AK5: variants seen among roughly 807,000 people sequenced by gnomAD.
AK5 encodes adenylate kinase 5, also known as adenylate kinase isoenzyme 5.
AK5 carries 27 observed loss-of-function variants against 69.5 expected under a neutral mutation model. That is an observed-to-expected ratio of 0.39 (90% CI 0.29 to 0.54). The LOEUF is 0.54. Among genes scored for constraint, AK5 ranks in the 20% least tolerant of loss-of-function variants. AK5 has a pLI of 0.71. For missense variants in AK5, 531 were observed against 700.4 expected (o/e 0.76, Z 2.73); for synonymous variants, 260 against 244.4 (o/e 1.06, Z -0.60).
chr1:77,314,132 A>C, intron 5 of AK5: 1 of 324,324 alleles, frequency 3.1e-6, no homozygotes, highest in South Asian at 2.6e-5. Flanking sequence ...AAACAATCTT[A>C]TGATATGAAT....
At chr1:77,459,125 A>C (rs547356208) in intron 8 of AK5, among the ~76,000 whole-genome samples, 1 of 152,126 alleles carries the variant, frequency 6.6e-6, no homozygotes, top group Non-Finnish European at 1.5e-5. Flanking sequence ...CATGTATCCT[A>C]TGTGGAAAAT....
At chr1:77,304,061 G>A (rs1570345179) in intron 5 of AK5, among the ~76,000 whole-genome samples, 1 of 151,986 alleles carries the variant, frequency 6.6e-6, no homozygotes, top group African/African-American at 2.4e-5. Context: ...ATTGACTATA[G>A]TCTCCCTGTT....
intron 6 of AK5, among the ~76,000 whole-genome samples, chr1:77,370,726 TA>T (rs1467989069): frequency 2.0e-5 from 3 of 151,922 alleles, no homozygotes; most frequent in Non-Finnish European, 4.4e-5. Flanking sequence ...GCACTGTGGG[TA>T]AAAAGTGAGT....
chr1:77,450,073 T>C lies in AK5; in HGVS notation c.1059+32358T>C, dbSNP rs181899812. Among the ~76,000 whole-genome samples the C allele has an allele frequency of 3.1e-3, 477 of 152,298 alleles. 1 individual carries two copies. The highest frequency in any genetic ancestry group is 5.2e-3 in the Non-Finnish European group (352 of 68,028). On this transcript the variant is annotated intron_variant, in intron 8 of 13. Coordinates refer to ENST00000354567, the MANE Select transcript of AK5 (RefSeq NM_174858.3). ...ACAAATCTCTAGGGCAGGGGCAAAATGCTTCCAGTCTCTGCTAAAACAGCA... is the reference window on the plus strand; with the variant it reads ...ACAAATCTCTAGGGCAGGGGCAAAACGCTTCCAGTCTCTGCTAAAACAGCA...
At chr1:77,491,327 G>A (rs1386660417) in intron 10 of AK5, among the ~76,000 whole-genome samples, 1 of 4,854 alleles carries the variant, frequency 2.1e-4, no homozygotes, top group Non-Finnish European at 7.8e-4. Context: ...TTTTTTTTGA[G>A]ATGGAGTTTT....
chr1:77,316,781 T>G (rs1037713876), intron 5 of AK5, among the ~76,000 whole-genome samples: 1 of 152,216 alleles, frequency 6.6e-6, no homozygotes, highest in African/African-American at 2.4e-5. Flanking sequence ...AGAAGATGAT[T>G]ATTCATTTAT....
chr1:77,479,927 T>C (rs1399484957), intron 8 of AK5, among the ~76,000 whole-genome samples: 3 of 152,236 alleles, frequency 2.0e-5, no homozygotes, highest in Non-Finnish European at 4.4e-5. Context: ...CCAAGGCGAC[T>C]GAGCATAAAC....
intron 1 of AK5, 35 bp from the exon 2 acceptor site, chr1:77,286,906 G>T (rs1658387219): frequency 1.5e-6 from 2 of 1,300,368 alleles, no homozygotes; most frequent in Middle Eastern, 2.2e-4. Context: ...GGGTTTAAAA[G>T]ATATTTTATT....
chr1:77,382,843 T>G (rs1049457963), intron 6 of AK5, among the ~76,000 whole-genome samples: 6 of 152,230 alleles, frequency 3.9e-5, no homozygotes, highest in Non-Finnish European at 8.8e-5. Context: ...TTAATAATAA[T>G]ACTCTTTCAT....
At chr1:77,355,666 ACTT>A (rs1459446190) in intron 6 of AK5, among the ~76,000 whole-genome samples, 2 of 152,024 alleles carry the variant, frequency 1.3e-5, no homozygotes, top group African/African-American at 2.4e-5. Flanking sequence ...TTATAATTCT[ACTT>A]CTTTATGATT....
chr1:77,547,039 G>C (rs1426598309), intron 13 of AK5, among the ~76,000 whole-genome samples: 1 of 152,150 alleles, frequency 6.6e-6, no homozygotes, highest in Non-Finnish European at 1.5e-5. Context: ...AAGTGGTGAA[G>C]GGCTTTGAAT....
chr1:77,407,074 A>C (rs1649705889), intron 6 of AK5, among the ~76,000 whole-genome samples: 1 of 36,292 alleles, frequency 2.8e-5, no homozygotes, highest in African/African-American at 8.0e-5. Flanking sequence ...ATACCCCATA[A>C]TGAGGTAAAA....
intron 8 of AK5, among the ~76,000 whole-genome samples, chr1:77,434,065 G>A (rs989590083): frequency 1.7e-4 from 26 of 150,352 alleles, no homozygotes; most frequent in African/African-American, 6.1e-4. Context: ...GAAAACAACC[G>A]TGGCTTAAAA....
At chr1:77,390,947 T>C (rs1202194761) in intron 6 of AK5, among the ~76,000 whole-genome samples, 1 of 152,190 alleles carries the variant, frequency 6.6e-6, no homozygotes, top group Non-Finnish European at 1.5e-5. Flanking sequence ...AAAGATTTGG[T>C]TAGCCATTAT....
intron 8 of AK5, among the ~76,000 whole-genome samples, chr1:77,441,798 G>A (rs1652343665): frequency 6.6e-6 from 1 of 152,170 alleles, no homozygotes; most frequent in African/African-American, 2.4e-5. Context: ...GCCCAGAGTG[G>A]CTGTGGGGCC....
intron 9 of AK5, among the ~76,000 whole-genome samples, chr1:77,485,157 C>CT (rs1163525605): frequency 1.3e-5 from 2 of 152,208 alleles, no homozygotes; most frequent in Admixed American, 1.3e-4. Flanking sequence ...AAGGTGTTTC[C>CT]TGTCACCATG....
chr1:77,468,943 T>A (rs1654305002), intron 8 of AK5, among the ~76,000 whole-genome samples: 1 of 152,210 alleles, frequency 6.6e-6, no homozygotes, highest in South Asian at 2.1e-4. Flanking sequence ...CTGGTAGCTG[T>A]CTTCTGCATT....
At chr1:77,390,425 A>G (rs1313755116) in intron 6 of AK5, among the ~76,000 whole-genome samples, 1 of 152,230 alleles carries the variant, frequency 6.6e-6, no homozygotes, top group Non-Finnish European at 1.5e-5. Flanking sequence ...TGGCCTCATT[A>G]CTCAGTATCA....
At chr1:77,343,431 G>A (rs1661759098) in intron 6 of AK5, among the ~76,000 whole-genome samples, 1 of 152,180 alleles carries the variant, frequency 6.6e-6, no homozygotes, top group African/African-American at 2.4e-5. Flanking sequence ...TCTAGGACTT[G>A]ATCTCTCTAT....
Sources: gnomAD v4.1 joint callset for allele counts (sites outside exome capture counted in the v4.1 genomes callset) on GRCh38, gnomAD v4.1.1 for gene constraint, MANE v1.5 for transcripts, NCBI Gene and HGNC (gene_info 2026-07-23, HGNC 2026-07-21) for gene names.